ADAMTS17: variants seen among roughly 807,000 people sequenced by gnomAD.
ADAMTS17 encodes the protein ADAM metallopeptidase with thrombospondin type 1 motif 17, also known as A disintegrin and metalloproteinase with thrombospondin motifs 17.
A neutral mutation model predicts 141.5 loss-of-function variants in ADAMTS17; 113 were observed. The observed-to-expected ratio is 0.80, with a 90% CI of 0.69 to 0.93. The LOEUF is 0.93. Ranked by LOEUF, ADAMTS17 falls within the 40% of genes least tolerant of loss-of-function variation. The probability of loss-of-function intolerance (pLI) is 0.00; values close to 1 mark genes in which losing one functional copy is unlikely to be tolerated. For synonymous variants in ADAMTS17, 768 were observed against 630.6 expected (o/e 1.22, Z -3.27); for missense variants, 1,659 against 1,517.9 (o/e 1.09, Z -1.54).
chr15:100,269,203 T>G (rs1202561777), intron 4 of ADAMTS17, among the ~76,000 whole-genome samples: 1 of 152,218 alleles, frequency 6.6e-6, no homozygotes, highest in Non-Finnish European at 1.5e-5. Context: ...AATACCTTTC[T>G]GGACAGCAGC....
intron 15 of ADAMTS17, among the ~76,000 whole-genome samples, chr15:100,068,807 A>T (rs1005211866): frequency 6.6e-6 from 1 of 152,238 alleles, no homozygotes; most frequent in Admixed American, 6.5e-5. Flanking sequence ...GGGGAAAAAC[A>T]GAGCAGAAAA....
chr15:100,058,376 C>T (rs536297161), intron 15 of ADAMTS17, among the ~76,000 whole-genome samples: 171 of 152,202 alleles, frequency 1.1e-3, no homozygotes, highest in African/African-American at 4.0e-3. Flanking sequence ...CCTCCTATCC[C>T]AGCTCTAACA....
At chr15:100,243,475 T>A (rs2042888914) in intron 7 of ADAMTS17, among the ~76,000 whole-genome samples, 1 of 152,198 alleles carries the variant, frequency 6.6e-6, no homozygotes, top group South Asian at 2.1e-4. Flanking sequence ...CTCGCCAACA[T>A]TTGTTATTTC....
intron 15 of ADAMTS17, among the ~76,000 whole-genome samples, chr15:100,069,135 G>A (rs376337723): frequency 1.4e-4 from 21 of 152,184 alleles, no homozygotes; most frequent in East Asian, 7.7e-4. Flanking sequence ...CTGGAAGAAA[G>A]GGTATCAGCA....
intron 7 of ADAMTS17, among the ~76,000 whole-genome samples, chr15:100,232,837 C>T (rs751058066): frequency 7.2e-5 from 11 of 152,166 alleles, no homozygotes; most frequent in African/African-American, 1.2e-4. Flanking sequence ...CGGTTGGAGG[C>T]GGCGCAGATC....
At chr15:100,259,973 T>G (rs2043459950) in intron 6 of ADAMTS17, among the ~76,000 whole-genome samples, 1 of 152,154 alleles carries the variant, frequency 6.6e-6, no homozygotes, top group African/African-American at 2.4e-5. Context: ...GCCTCCCAAG[T>G]AGCTGGGATT....
At chr15:100,075,299 G>T (rs563502455) in intron 15 of ADAMTS17, among the ~76,000 whole-genome samples, 1 of 152,200 alleles carries the variant, frequency 6.6e-6, no homozygotes, top group South Asian at 2.1e-4. Flanking sequence ...TGTTTGTTAT[G>T]CATTTTTCTG....
intron 8 of ADAMTS17, among the ~76,000 whole-genome samples, chr15:100,189,356 G>C (rs987367590): frequency 3.3e-5 from 5 of 152,206 alleles, no homozygotes; most frequent in African/African-American, 1.2e-4. Context: ...AGCCGAGTGT[G>C]GACCAAGCAG....
In ADAMTS17 at chr15:99,997,447, C is replaced by T. The variant is rs2141346272; in HGVS notation, c.2734G>A (p.Ala912Thr). ...TCCTGGCCTTCACAGCTCTGCACTG[C>T]CGCCGGCCGGGGGCCCGGGCAGTAG... ...PLYCPGPRPA[A>T]VQSCEGQDCL... is the part of the protein sequence containing the mutation. Residue 912 changes from alanine to threonine, a missense_variant, in exon 19 of 22, where the codon GCA (alanine) becomes ACA (threonine). Transcript: ENST00000268070. The surrounding 1 kb of genome is among the most constrained non-coding windows in gnomAD (Gnocchi z 4.7). 4 of 1,613,622 alleles carry T rather than the reference C, an allele frequency of 2.5e-6. No homozygotes were observed. Among genetic ancestry groups the T allele is most frequent in the Non-Finnish European group, 3.4e-6 (4 of 1,179,980 alleles).
At chr15:100,311,265 G>A (rs1433998476) in intron 3 of ADAMTS17, among the ~76,000 whole-genome samples, 2 of 152,200 alleles carry the variant, frequency 1.3e-5, no homozygotes, top group Non-Finnish European at 2.9e-5. Flanking sequence ...CACTACTGCG[G>A]GAGCTGGCAG....
chr15:100,117,809 A>G (rs936058899), intron 12 of ADAMTS17, among the ~76,000 whole-genome samples: 1 of 152,204 alleles, frequency 6.6e-6, no homozygotes. Flanking sequence ...TCATGATGGA[A>G]TAAGATTTCT....
chr15:100,216,617 T>C (rs2041975855), intron 7 of ADAMTS17, among the ~76,000 whole-genome samples: 1 of 152,188 alleles, frequency 6.6e-6, no homozygotes, highest in African/African-American at 2.4e-5. Context: ...CTGACTGCCT[T>C]TAAAGACAAG....
At chr15:100,208,134 C>T (rs981890091) in intron 7 of ADAMTS17, among the ~76,000 whole-genome samples, 13 of 152,016 alleles carry the variant, frequency 8.6e-5, no homozygotes, top group African/African-American at 2.2e-4. Context: ...ACACAGTAGG[C>T]TCTTCCAGGT....
At chr15:100,263,921 T>A (rs11858754) in intron 4 of ADAMTS17, among the ~76,000 whole-genome samples, 31,177 of 152,188 alleles carry the variant, frequency 0.2, 3,659 homozygotes, top group Non-Finnish European at 0.25. Context: ...TCAGGCCGAG[T>A]GGAGCCGCTC....
intron 3 of ADAMTS17, among the ~76,000 whole-genome samples, chr15:100,320,551 G>A (rs894660527): frequency 3.3e-5 from 5 of 152,224 alleles, no homozygotes; most frequent in Non-Finnish European, 5.9e-5. Flanking sequence ...TAAGGGCGGA[G>A]GCTGAACACC....
chr15:100,281,558 C>T (rs1408079593), intron 3 of ADAMTS17, among the ~76,000 whole-genome samples, 157 bp from the exon 4 acceptor site: 1 of 152,178 alleles, frequency 6.6e-6, no homozygotes, highest in Non-Finnish European at 1.5e-5. Flanking sequence ...CATGTGGGTG[C>T]CCCGAGTTCA....
At chr15:100,138,543 C>T (rs899946) in intron 10 of ADAMTS17, among the ~76,000 whole-genome samples, 151,513 of 152,350 alleles carry the variant, frequency 0.99, 75,348 homozygotes, top group East Asian at 1. Flanking sequence ...ATGAGAGAAT[C>T]TGTGACTAGA....
intron 3 of ADAMTS17, among the ~76,000 whole-genome samples, chr15:100,313,476 C>G (rs1468676393): frequency 6.6e-6 from 1 of 152,164 alleles, no homozygotes; most frequent in East Asian, 1.9e-4. Context: ...TACCCATGTC[C>G]AATTTTAAAA....
At chr15:100,206,973 T>C (rs1174779768) in intron 7 of ADAMTS17, among the ~76,000 whole-genome samples, 1 of 152,022 alleles carries the variant, frequency 6.6e-6, no homozygotes, top group African/African-American at 2.4e-5. Flanking sequence ...GAAGGCAGAG[T>C]AGGGGCTGGT....
Sources: gnomAD v4.1 joint callset for allele counts (sites outside exome capture counted in the v4.1 genomes callset) on GRCh38, gnomAD v4.1.1 for gene constraint, Gnocchi (gnomAD v3.1) non-coding constraint, MANE v1.5 for transcripts, NCBI Gene and HGNC (gene_info 2026-07-23, HGNC 2026-07-21) for gene names.